The following PTPN4 variants were observed in gnomAD, a reference collection of about 807,000 sequenced individuals.
PTPN4 encodes the protein protein tyrosine phosphatase non-receptor type 4, also known as tyrosine-protein phosphatase non-receptor type 4.
Under a neutral mutation model 135.5 loss-of-function variants are expected in PTPN4, and 49 were observed. That is an observed-to-expected ratio of 0.36 (90% CI 0.29 to 0.46). PTPN4 has a LOEUF of 0.46. Ranked by LOEUF, PTPN4 falls within the 20% of genes least tolerant of loss-of-function variation. The pLI is 1.00. For synonymous variants in PTPN4, 333 were observed against 369.9 expected (o/e 0.90, Z 1.14); for missense variants, 860 against 1,101.0 (o/e 0.78, Z 3.10).
chr2:119,842,744 C>T (rs112251662), intron 2 of PTPN4, among the ~76,000 whole-genome samples: 2 of 152,252 alleles, frequency 1.3e-5, no homozygotes, highest in African/African-American at 4.8e-5. Flanking sequence ...CTTCTCCCAG[C>T]GGCCCAATGG....
At chr2:119,915,286 A>G (rs1215127482) in intron 11 of PTPN4, 44 bp downstream of exon 11, 2 of 1,436,402 alleles carry the variant, frequency 1.4e-6, no homozygotes, top group Admixed American at 2.6e-5. Context: ...GAAGCCTTTT[A>G]AGAAATACCC....
intron 1 of PTPN4, among the ~76,000 whole-genome samples, chr2:119,776,332 C>A (rs960751828): frequency 2.0e-5 from 3 of 152,102 alleles, no homozygotes; most frequent in Admixed American, 6.5e-5. Context: ...CCTGCCACCA[C>A]GCCCGGCTAA....
intron 1 of PTPN4, among the ~76,000 whole-genome samples, chr2:119,789,889 A>AT (rs1186252784): frequency 0.015 from 2,198 of 148,388 alleles, 46 homozygotes; most frequent in African/African-American, 0.051. Flanking sequence ...TGCTCAGCTA[A>AT]TTTTTTTTTT....
chr2:119,846,487 T>TTATTATA (rs1677500761), intron 2 of PTPN4, among the ~76,000 whole-genome samples: 1 of 152,182 alleles, frequency 6.6e-6, no homozygotes, highest in South Asian at 2.1e-4. Flanking sequence ...AATCCTTTAC[T>TTATTATA]TATTATATAT....
chr2:119,798,220 G>A (rs1333137706), intron 1 of PTPN4, among the ~76,000 whole-genome samples: 1 of 150,278 alleles, frequency 6.7e-6, no homozygotes, highest in Non-Finnish European at 1.5e-5. Flanking sequence ...AGGCTGGAGT[G>A]CAATGGCATG....
intron 15 of PTPN4, among the ~76,000 whole-genome samples, chr2:119,936,029 G>A (rs546113321): frequency 3.2e-4 from 48 of 151,566 alleles, no homozygotes; most frequent in African/African-American, 1.1e-3. Context: ...TTGAGATGGA[G>A]TCTCGCTCTT....
intron 2 of PTPN4, among the ~76,000 whole-genome samples, chr2:119,849,830 T>C (rs1319213406): frequency 6.6e-6 from 1 of 152,256 alleles, no homozygotes; most frequent in African/African-American, 2.4e-5. Context: ...TTAGGTTAAC[T>C]ACCTCTGTCA....
chr2:119,843,226 T>TC (rs1201528995), intron 2 of PTPN4, among the ~76,000 whole-genome samples: 2 of 148,434 alleles, frequency 1.3e-5, no homozygotes, highest in African/African-American at 5.0e-5. Context: ...TTCTTTTTTT[T>TC]TTTTTTTTTT....
chr2:119,963,183 A>G (rs1439908609), intron 24 of PTPN4, among the ~76,000 whole-genome samples: 1 of 152,206 alleles, frequency 6.6e-6, no homozygotes, highest in African/African-American at 2.4e-5. Flanking sequence ...ACAGTCCCCT[A>G]CCTATTAAGA....
intron 2 of PTPN4, among the ~76,000 whole-genome samples, chr2:119,854,374 A>G (rs1677640948): frequency 6.6e-6 from 1 of 152,190 alleles, no homozygotes; most frequent in Non-Finnish European, 1.5e-5. Context: ...TACCTTTATT[A>G]AAAGAAAAAA....
chr2:119,945,307 T>C lies in PTPN4; in HGVS notation c.1515+67T>C, dbSNP rs933804449. The C allele has an allele frequency of 1.4e-5, 20 of 1,418,848 alleles. No homozygotes were observed. In the South Asian group the frequency reaches 2.3e-4, roughly 16 times the overall value. 87.9% of individuals were successfully genotyped at this position (1,418,848 alleles called of 1,614,324 possible). A position where few individuals can be genotyped will look rare whatever the true frequency, so the allele number is the denominator to read the frequency against. ...TTAAAATCCTAAATGAAATTTCTTT[T>C]GTACTTTGGCAGTTTTTAGTTGTAA... On this transcript the variant is annotated intron_variant, in intron 16 of 26. Coordinates refer to ENST00000263708, the MANE Select transcript of PTPN4 (RefSeq NM_002830.4).
chr2:119,929,477 C>G (rs975281451), intron 13 of PTPN4, among the ~76,000 whole-genome samples: 6 of 151,764 alleles, frequency 4.0e-5, no homozygotes, highest in African/African-American at 1.5e-4. Flanking sequence ...TCTTTGTGTT[C>G]GCCTCAGCAG....
At position 119,934,817 on chromosome 2, in the gene PTPN4, C is replaced by T. The variant is rs1004704242; in HGVS notation, c.1214C>T (p.Thr405Met). The T allele has an allele frequency of 6.2e-6, 10 of 1,613,662 alleles. No homozygotes were observed. Among genetic ancestry groups the T allele is most frequent in the African/African-American group, 5.3e-5 (4 of 74,888 alleles). ...GTPNHRNSTF[T>M]QEGTRLRPSS... ...TTATTTAGTCGAAATTCTACATTCA[C>T]GCAGGAAGGAACCCGGTTACGACCA... Residue 405 changes from threonine to methionine, a missense_variant, in exon 15 of 27, where the codon ACG (threonine) becomes ATG (methionine). Transcript: ENST00000263708.
At chr2:119,830,274 A>C (rs1677199717) in intron 2 of PTPN4, among the ~76,000 whole-genome samples, 1 of 152,134 alleles carries the variant, frequency 6.6e-6, no homozygotes, top group African/African-American at 2.4e-5. Context: ...ATTTGTTGAA[A>C]TGATAATTGA....
At chr2:119,897,335 C>T (rs1294409120) in intron 9 of PTPN4, among the ~76,000 whole-genome samples, 1 of 152,070 alleles carries the variant, frequency 6.6e-6, no homozygotes, top group African/African-American at 2.4e-5. Context: ...GCCATTTCTC[C>T]AAGAAGCCCT....
rs765722157 is a variant in PTPN4 at position 119,877,312 on chromosome 2, T to C, written c.247-11T>C. 5 of 1,607,502 alleles carry C rather than the reference T, an allele frequency of 3.1e-6. No homozygotes were observed. The highest frequency in any genetic ancestry group is 2.5e-6 in the Non-Finnish European group (3 of 1,177,946). ...GAAAAAAGAAATCAGTTTTATTTAT[T>C]TATTTTTCAGAGGTGGCTGGATCCA... On this transcript the variant is annotated splice_polypyrimidine_tract_variant and intron_variant, in intron 3 of 26. Coordinates refer to ENST00000263708, the MANE Select transcript of PTPN4 (RefSeq NM_002830.4).
At chr2:119,890,694 C>T (rs1255504354) in intron 9 of PTPN4, among the ~76,000 whole-genome samples, 2 of 151,876 alleles carry the variant, frequency 1.3e-5, no homozygotes, top group Admixed American at 1.3e-4. Context: ...AAGTTTTATA[C>T]TTTTGTGTGT....
rs549524242 is a variant in PTPN4 at position 119,911,433 on chromosome 2, TTTGACAAAA to T, written c.765-3740_765-3732del. ...CATTTCAATAGATGCAGAAAAAGAA[TTTGACAAAA>T]TTGACCATTCATGATTTAAAAAAAT... On this transcript the variant is annotated intron_variant, in intron 10 of 26. Transcript: ENST00000263708. 2.5e-4 allele frequency among the ~76,000 whole-genome samples: 38 copies of T among 152,200 alleles called. No homozygotes were observed. The South Asian group carries it at 7.9e-3, about 32-fold the overall frequency.
intron 1 of PTPN4, among the ~76,000 whole-genome samples, chr2:119,771,190 G>A (rs1391447982): frequency 1.3e-5 from 2 of 152,168 alleles, no homozygotes; most frequent in Non-Finnish European, 2.9e-5. Flanking sequence ...TGAAAGTGAT[G>A]CCTTCTTGGA....
Sources: gnomAD v4.1 joint callset for allele counts (sites outside exome capture counted in the v4.1 genomes callset) on GRCh38, gnomAD v4.1.1 for gene constraint, MANE v1.5 for transcripts, NCBI Gene and HGNC (gene_info 2026-07-23, HGNC 2026-07-21) for gene names.